Variants in NPNT observed in about 807,000 individuals in gnomAD.
The protein encoded by NPNT is nephronectin, also known as preosteoblast EGF-like repeat protein with MAM domain.
In NPNT, 45 loss-of-function variants were observed where a neutral mutation model predicts 68.6. The observed-to-expected ratio is 0.66, with a 90% CI of 0.52 to 0.84. The LOEUF (loss-of-function observed/expected upper bound fraction) is 0.84, where lower values mean the gene tolerates loss of function less well. NPNT is among the 40% of genes least tolerant of loss of function. The pLI is 0.00. For missense variants in NPNT, 672 were observed against 714.8 expected, an observed-to-expected ratio of 0.94 and a Z score of 0.68; for synonymous variants, 233 against 253.3, an observed-to-expected ratio of 0.92 and a Z score of 0.76.
intron 2 of NPNT, chr4:105,902,547 T>A (rs1726507477): frequency 6.6e-6 from 1 of 152,180 alleles, no homozygotes; most frequent in Admixed American, 6.5e-5. Flanking sequence ...GAATGCAGAA[T>A]CTGTTTTTTG....
chr4:105,923,271 T>C (rs1455391621), intron 2 of NPNT, among the ~76,000 whole-genome samples: 1 of 152,174 alleles, frequency 6.6e-6, no homozygotes, highest in African/African-American at 2.4e-5. Context: ...AGTTTTGAAA[T>C]GGTTATGCAC....
intron 10 of NPNT, among the ~76,000 whole-genome samples, chr4:105,959,696 G>C (rs550583208): frequency 6.6e-6 from 1 of 151,628 alleles, no homozygotes; most frequent in East Asian, 1.9e-4. Flanking sequence ...ATAGTTCCTT[G>C]GAACTCAAAG....
rs1730035696 is a variant in NPNT, at chr4:105,942,315, A to G, written c.772A>G (p.Lys258Glu). Residue 258 changes from lysine (K) to glutamate (E), a missense_variant, in exon 8 of 12, where the codon AAA becomes GAA. Transcript: ENST00000379987. ...GDGLTCVYIP[K>E]VMIEPSGPIH... ...GTCTTTGACTCTTTCAGATATCCCA[A>G]AAGTTATGATTGAACCTTCAGGTCC... 8 of 1,593,846 alleles carry G rather than the reference A, an allele frequency of 5.0e-6. No individual in the cohort carries two copies. In the East Asian group the frequency reaches 9.0e-5, roughly 18 times the overall value.
At chr4:105,903,495 T>A (rs986902536) in intron 2 of NPNT, among the ~76,000 whole-genome samples, 1 of 152,202 alleles carries the variant, frequency 6.6e-6, no homozygotes, top group Non-Finnish European at 1.5e-5. Context: ...TCCCATTGAT[T>A]TTGTGCAATA....
intron 8 of NPNT, among the ~76,000 whole-genome samples, chr4:105,952,780 G>C (rs1730931389): frequency 6.6e-6 from 1 of 152,160 alleles, no homozygotes; most frequent in East Asian, 1.9e-4. Flanking sequence ...GTGGGCTTCT[G>C]CTCACCCTAG....
At chr4:105,956,759 C>A (rs912128594) in intron 8 of NPNT, among the ~76,000 whole-genome samples, 5 of 152,148 alleles carry the variant, frequency 3.3e-5, no homozygotes, top group African/African-American at 1.2e-4. Context: ...GTCAGCTGGG[C>A]TATAAAAGAG....
chr4:105,923,415 C>A (rs141487330), intron 2 of NPNT, among the ~76,000 whole-genome samples: 1 of 152,084 alleles, frequency 6.6e-6, no homozygotes, highest in African/African-American at 2.4e-5. Flanking sequence ...CTCTTCTATC[C>A]TAAATTTGTA....
chr4:105,929,110 C>T (rs933256138), intron 3 of NPNT, among the ~76,000 whole-genome samples: 2 of 152,122 alleles, frequency 1.3e-5, no homozygotes, highest in Middle Eastern at 3.4e-3. Context: ...TAATGCTCTC[C>T]CTCCCCTTAC....
chr4:105,909,204 CTG>C (rs1321953052), intron 2 of NPNT, among the ~76,000 whole-genome samples: 3 of 152,106 alleles, frequency 2.0e-5, no homozygotes, highest in African/African-American at 7.2e-5. Flanking sequence ...CATATACTAA[CTG>C]TGGTAATAGT....
chr4:105,910,317 A>G (rs1266967585), intron 2 of NPNT, among the ~76,000 whole-genome samples: 1 of 152,190 alleles, frequency 6.6e-6, no homozygotes, highest in Non-Finnish European at 1.5e-5. Flanking sequence ...AAGTTGCCGG[A>G]GAGAGTTCTA....
chr4:105,968,209 T>C (rs1732323591), intron 11 of NPNT, among the ~76,000 whole-genome samples: 3 of 152,232 alleles, frequency 2.0e-5, no homozygotes. Context: ...ATTCCATTAA[T>C]ACAGTTTTTA....
At position 105,971,667 on chromosome 4, in the gene NPNT, T is replaced by C. The variant is rs1280954988; in HGVS notation, c.*2677T>C. 6.5e-6 allele frequency: 1 copy of C among 152,980 alleles called. No individual in the cohort carries two copies. The highest frequency in any genetic ancestry group is 1.9e-4 in the East Asian group (1 of 5,202). 9.5% of individuals were successfully genotyped at this position (152,980 alleles called of 1,614,324 possible). On this transcript the variant is annotated 3_prime_UTR_variant, in exon 12 of 12. Coordinates refer to ENST00000379987, the MANE Select transcript of NPNT (RefSeq NM_001033047.3). ...TATTTGTAAATAAAAACACTGTTAG[T>C]AATACCAGTTGTCTATTCTTGTTTT...
At chr4:105,942,179 A>C (rs1026293338) in intron 7 of NPNT, 128 bp from the exon 8 acceptor site, 87 of 609,650 alleles carry the variant, frequency 1.4e-4, no homozygotes, top group Non-Finnish European at 2.2e-4. Flanking sequence ...TATGACTTAC[A>C]GTAGGTAATA....
At chr4:105,956,721 A>G (rs901809776) in intron 8 of NPNT, among the ~76,000 whole-genome samples, 2 of 152,172 alleles carry the variant, frequency 1.3e-5, no homozygotes, top group Admixed American at 1.3e-4. Context: ...CCAAATAAGG[A>G]AAGTGTAATT....
At chr4:105,945,751 G>A (rs1730332691) in intron 8 of NPNT, among the ~76,000 whole-genome samples, 1 of 152,078 alleles carries the variant, frequency 6.6e-6, no homozygotes, top group African/African-American at 2.4e-5. Flanking sequence ...AATCAGTAAG[G>A]TACACATACT....
At chr4:105,962,889 A>G (rs997743483) in intron 10 of NPNT, among the ~76,000 whole-genome samples, 6 of 150,794 alleles carry the variant, frequency 4.0e-5, no homozygotes, top group African/African-American at 1.5e-4. Flanking sequence ...GTGTGTATGT[A>G]TGTGTATGTG....
At chr4:105,909,970 C>A (rs185599704) in intron 2 of NPNT, among the ~76,000 whole-genome samples, 15 of 151,920 alleles carry the variant, frequency 9.9e-5, no homozygotes, top group African/African-American at 3.6e-4. Context: ...TTTATTATTT[C>A]TTTTCAAAGT....
intron 2 of NPNT, among the ~76,000 whole-genome samples, chr4:105,925,271 C>T (rs1471008252): frequency 6.6e-6 from 1 of 152,112 alleles, no homozygotes. Flanking sequence ...TTTCCAAGGG[C>T]ATTTCCCTAT....
At chr4:105,960,164 G>A (rs770538616) in intron 10 of NPNT, among the ~76,000 whole-genome samples, 1 of 152,112 alleles carries the variant, frequency 6.6e-6, no homozygotes, top group Non-Finnish European at 1.5e-5. Flanking sequence ...GAGGAGTTTG[G>A]TTTCATTTTT....
Sources: allele counts gnomAD v4.1 joint callset (sites outside exome capture counted in the v4.1 genomes callset), GRCh38; gene constraint gnomAD v4.1.1; transcripts MANE v1.5; gene names NCBI Gene and HGNC (gene_info 2026-07-23, HGNC 2026-07-21).